FHIT: variants seen among roughly 807,000 people sequenced by gnomAD.
The protein encoded by FHIT is bis(5'-adenosyl)-triphosphatase.
FHIT carries 19 observed loss-of-function variants against 17.9 expected under a neutral mutation model. The observed-to-expected ratio is 1.06, with a 90% confidence interval of 0.74 to 1.56. The LOEUF (loss-of-function observed/expected upper bound fraction) is 1.56. FHIT is among the 40% of genes most tolerant of loss of function. The pLI, the probability that FHIT is intolerant of heterozygous loss-of-function variation, is 0.00. For missense variants in FHIT, 248 were observed against 189.2 expected, an observed-to-expected ratio of 1.31 and a Z score of -1.82; for synonymous variants, 81 against 69.7, an observed-to-expected ratio of 1.16 and a Z score of -0.81.
At chr3:60,334,469 T>G (rs372624618) in intron 5 of FHIT, among the ~76,000 whole-genome samples, 3 of 152,210 alleles carry the variant, frequency 2.0e-5, no homozygotes, top group African/African-American at 7.2e-5. Context: ...ATTGCAGTAC[T>G]TGGGTTGAGT....
At chr3:60,233,345 C>G (rs1479553020) in intron 5 of FHIT, among the ~76,000 whole-genome samples, 1 of 152,090 alleles carries the variant, frequency 6.6e-6, no homozygotes, top group Non-Finnish European at 1.5e-5. Context: ...CATCCCGTGC[C>G]TTCCAGCCCT....
chr3:61,135,998 C>T (rs1184413537), intron 2 of FHIT, among the ~76,000 whole-genome samples: 3 of 152,148 alleles, frequency 2.0e-5, no homozygotes, highest in African/African-American at 7.2e-5. Flanking sequence ...GGCTCATGAT[C>T]ATGCTGGAGG....
At chr3:60,829,327 G>T (rs1245290782) in intron 3 of FHIT, among the ~76,000 whole-genome samples, 1 of 152,150 alleles carries the variant, frequency 6.6e-6, no homozygotes, top group Non-Finnish European at 1.5e-5. Context: ...GGAAAAACTG[G>T]AATGCTTTCT....
At chr3:60,144,480 C>T (rs1700157476) in intron 5 of FHIT, among the ~76,000 whole-genome samples, 7 of 152,176 alleles carry the variant, frequency 4.6e-5, no homozygotes, top group Admixed American at 4.6e-4. Context: ...GTTACAAAGG[C>T]ACCACCTTGT....
Position 60,955,798 on chromosome 3 carries a change from T to C in FHIT, c.-111+86249A>G, listed in dbSNP as rs577308293. Among the ~76,000 whole-genome samples the C allele has an allele frequency of 3.3e-5, 5 of 151,940 alleles. No individual in the cohort carries two copies. The East Asian group carries it at 5.8e-4, about 18-fold the overall frequency. Reference sequence around the variant, plus strand: ...TGAGTTAGGTACAAAAACACTTCAGTAGATGGTAATGTTACAGTTCTTAAG... The same window carrying C: ...TGAGTTAGGTACAAAAACACTTCAGCAGATGGTAATGTTACAGTTCTTAAG... On this transcript the variant is annotated intron_variant, in intron 3 of 9. Coordinates refer to ENST00000492590, the MANE Select transcript of FHIT (RefSeq NM_002012.4).
intron 3 of FHIT, among the ~76,000 whole-genome samples, chr3:60,964,558 C>T (rs186772472): frequency 3.2e-4 from 48 of 152,312 alleles, no homozygotes; most frequent in African/African-American, 1.2e-3. Context: ...CATGTTTTTG[C>T]AGTGGCTGTT....
intron 7 of FHIT, among the ~76,000 whole-genome samples, chr3:59,929,379 T>G (rs1227150344): frequency 7.2e-6 from 1 of 139,648 alleles, no homozygotes; most frequent in Non-Finnish European, 1.5e-5. Context: ...TTTTTTTTTT[T>G]TTTTTTTTTG....
chr3:61,029,069 GA>G (rs2032880883), intron 3 of FHIT, among the ~76,000 whole-genome samples: 1 of 152,170 alleles, frequency 6.6e-6, no homozygotes, highest in African/African-American at 2.4e-5. Flanking sequence ...GCTCTTCTGA[GA>G]AAAACGAAAC....
intron 8 of FHIT, among the ~76,000 whole-genome samples, chr3:59,856,948 AG>A (rs1255845659): frequency 6.6e-6 from 1 of 152,122 alleles, no homozygotes; most frequent in Non-Finnish European, 1.5e-5. Flanking sequence ...TAGTGAATAA[AG>A]AAACTGAGTC....
At chr3:59,969,663 G>C (rs1479998203) in intron 7 of FHIT, among the ~76,000 whole-genome samples, 2 of 152,102 alleles carry the variant, frequency 1.3e-5, no homozygotes, top group African/African-American at 4.8e-5. Flanking sequence ...GCGTGTATTA[G>C]ATACATTTTG....
chr3:61,131,332 G>C (rs1489045106), intron 2 of FHIT, among the ~76,000 whole-genome samples: 1 of 152,144 alleles, frequency 6.6e-6, no homozygotes, highest in Non-Finnish European at 1.5e-5. Context: ...GTGGACATCA[G>C]CATCAGTAAG....
chr3:60,742,992 G>T (rs2042269877), intron 4 of FHIT, among the ~76,000 whole-genome samples: 1 of 152,186 alleles, frequency 6.6e-6, no homozygotes, highest in Non-Finnish European at 1.5e-5. Context: ...CAACACCCAG[G>T]CTTGGTTCTC....
intron 2 of FHIT, among the ~76,000 whole-genome samples, chr3:61,144,921 A>C (rs1280593201): frequency 6.6e-6 from 1 of 152,160 alleles, no homozygotes; most frequent in African/African-American, 2.4e-5. Context: ...GTTGAGTTGC[A>C]GAAGTTCTTA....
chr3:60,278,250 G>C (rs1261935419), intron 5 of FHIT, among the ~76,000 whole-genome samples: 2 of 152,088 alleles, frequency 1.3e-5, no homozygotes, highest in Non-Finnish European at 2.9e-5. Context: ...AAAATCTCAG[G>C]GAAGAGAAAA....
At chr3:60,028,670 G>C (rs1408323030) in intron 5 of FHIT, among the ~76,000 whole-genome samples, 1 of 152,140 alleles carries the variant, frequency 6.6e-6, no homozygotes, top group Non-Finnish European at 1.5e-5. Flanking sequence ...AGTGCACTTT[G>C]AATCAAATGT....
intron 8 of FHIT, among the ~76,000 whole-genome samples, chr3:59,893,457 G>A (rs532508992): frequency 6.6e-6 from 1 of 152,244 alleles, no homozygotes. Context: ...CTCTAATATG[G>A]AAAAAAGATC....
chr3:60,927,740 C>G (rs1183622655), intron 3 of FHIT, among the ~76,000 whole-genome samples: 1 of 151,748 alleles, frequency 6.6e-6, no homozygotes, highest in Non-Finnish European at 1.5e-5. Context: ...GGCGTGCCCC[C>G]ACCCGGCAGC....
chr3:60,126,919 G>T (rs76074841), intron 5 of FHIT, among the ~76,000 whole-genome samples: 4,487 of 152,214 alleles, frequency 0.029, 232 homozygotes, highest in African/African-American at 0.1. Context: ...CTGCAGGGAG[G>T]TGCGCGCTTC....
At chr3:60,516,955 T>C (rs1346583428) in intron 5 of FHIT, among the ~76,000 whole-genome samples, 2 of 152,184 alleles carry the variant, frequency 1.3e-5, no homozygotes, top group Non-Finnish European at 2.9e-5. Flanking sequence ...ACATAATCAT[T>C]TGAATCTCTA....
Sources: gnomAD v4.1 joint callset for allele counts (sites outside exome capture counted in the v4.1 genomes callset) on GRCh38, gnomAD v4.1.1 for gene constraint, MANE v1.5 for transcripts, NCBI Gene and HGNC (gene_info 2026-07-23, HGNC 2026-07-21) for gene names.